DLGAP2: variants seen among roughly 807,000 people sequenced by gnomAD.
The protein encoded by DLGAP2 is disks large-associated protein 2.
Under a neutral mutation model 100.3 loss-of-function variants are expected in DLGAP2, and 26 were observed. The ratio of observed to expected loss-of-function variants is 0.26; its 90% CI spans 0.19 to 0.36. The LOEUF (loss-of-function observed/expected upper bound fraction) is 0.36, where lower values mean the gene tolerates loss of function less well. Ranked by LOEUF, DLGAP2 falls within the 10% of genes least tolerant of loss-of-function variation. The pLI is 1.00. For missense variants in DLGAP2, 1,858 were observed against 1,453.2 expected, an observed-to-expected ratio of 1.28 and a Z score of -4.53; for synonymous variants, 886 against 630.1, an observed-to-expected ratio of 1.41 and a Z score of -6.08.
intron 2 of DLGAP2, among the ~76,000 whole-genome samples, chr8:980,191 C>G (rs1046101519): frequency 1.3e-5 from 2 of 152,120 alleles, no homozygotes; most frequent in African/African-American, 4.8e-5. Context: ...TCAGGCCAGA[C>G]TTTGTGATTT....
At chr8:1,546,217 A>G (rs922172134) in intron 4 of DLGAP2, among the ~76,000 whole-genome samples, 4 of 152,252 alleles carry the variant, frequency 2.6e-5, no homozygotes, top group Non-Finnish European at 5.9e-5. Flanking sequence ...CACCTGAAAT[A>G]TAACACAGTG....
chr8:986,470 C>G (rs1800490591), intron 2 of DLGAP2, among the ~76,000 whole-genome samples: 1 of 151,940 alleles, frequency 6.6e-6, no homozygotes, highest in Non-Finnish European at 1.5e-5. Context: ...TAATTATTAT[C>G]TAGTGTTAAG....
chr8:1,069,558 C>G (rs62488539), intron 2 of DLGAP2, among the ~76,000 whole-genome samples: 1 of 152,144 alleles, frequency 6.6e-6, no homozygotes, highest in Non-Finnish European at 1.5e-5. Flanking sequence ...ATCCGAGAGT[C>G]CGAGCTTTAC....
intron 2 of DLGAP2, among the ~76,000 whole-genome samples, chr8:1,227,183 A>ATATATATATATATATATC (rs1563265070): frequency 3.0e-5 from 4 of 132,542 alleles, no homozygotes; most frequent in African/African-American, 1.3e-4. Flanking sequence ...TAGTATAGAT[A>ATATATATATATATATATC]TATATTATCC....
chr8:803,508 G>A (rs1487207115), intron 1 of DLGAP2, among the ~76,000 whole-genome samples: 1 of 152,114 alleles, frequency 6.6e-6, no homozygotes, highest in East Asian at 1.9e-4. Flanking sequence ...GCCCAGGAAA[G>A]CTTGGAGATG....
intron 2 of DLGAP2, among the ~76,000 whole-genome samples, chr8:1,040,279 CA>C (rs1802296452): frequency 6.8e-6 from 1 of 147,546 alleles, no homozygotes; most frequent in Non-Finnish European, 1.5e-5. Context: ...TGTGCGTGGT[CA>C]GCTCGGGTTC....
chr8:1,362,226 G>A (rs1801997944), intron 3 of DLGAP2, among the ~76,000 whole-genome samples: 1 of 152,094 alleles, frequency 6.6e-6, no homozygotes, highest in African/African-American at 2.4e-5. Flanking sequence ...GGAACTGTGG[G>A]TGGGACCTGG....
At chr8:1,059,018 T>G (rs1489400975) in intron 2 of DLGAP2, among the ~76,000 whole-genome samples, 1 of 152,206 alleles carries the variant, frequency 6.6e-6, no homozygotes, top group Non-Finnish European at 1.5e-5. Context: ...TAGCAGCGTC[T>G]GCTTCTGAGA....
intron 3 of DLGAP2, among the ~76,000 whole-genome samples, chr8:1,356,687 A>G (rs547139098): frequency 1.3e-5 from 2 of 152,350 alleles, no homozygotes; most frequent in African/African-American, 4.8e-5. Flanking sequence ...AGTATGAGCA[A>G]ACGATCATTC....
chr8:1,213,905 T>A (rs1798159103), intron 2 of DLGAP2, among the ~76,000 whole-genome samples: 1 of 152,132 alleles, frequency 6.6e-6, no homozygotes, highest in Non-Finnish European at 1.5e-5. Context: ...CCTCACTCCT[T>A]TTGCTGGCCC....
chr8:1,047,778 C>T (rs1206722200), intron 2 of DLGAP2, among the ~76,000 whole-genome samples: 2 of 152,120 alleles, frequency 1.3e-5, no homozygotes, highest in Non-Finnish European at 2.9e-5. Flanking sequence ...AATCACCTTC[C>T]AAAGGCCCCA....
rs150960313 is a variant in DLGAP2, at chr8:1,166,311, A to C, written c.74-92540A>C. 3.1e-3 allele frequency among the ~76,000 whole-genome samples: 472 copies of C among 152,300 alleles called. 1 individual carries two copies. Among genetic ancestry groups the C allele is most frequent in the African/African-American group, 0.011 (453 of 41,564 alleles). On this transcript the variant is annotated intron_variant, in intron 2 of 14. Coordinates refer to ENST00000637795, the MANE Select transcript of DLGAP2 (RefSeq NM_001346810.2). ...ACCACCCCGTGCTTCCTTATTCCCGAGGCCCCGGCCTATAATTATCCTCTT... is the reference window on the plus strand; with the variant it reads ...ACCACCCCGTGCTTCCTTATTCCCGCGGCCCCGGCCTATAATTATCCTCTT...
At chr8:1,234,932 G>A (rs1372233372) in intron 2 of DLGAP2, among the ~76,000 whole-genome samples, 2 of 152,168 alleles carry the variant, frequency 1.3e-5, no homozygotes, top group African/African-American at 4.8e-5. Context: ...CGCACACAAA[G>A]CATTGTGTCT....
At chr8:1,687,718 A>C (rs1215044415) in intron 12 of DLGAP2, among the ~76,000 whole-genome samples, 1 of 152,256 alleles carries the variant, frequency 6.6e-6, no homozygotes, top group African/African-American at 2.4e-5. Flanking sequence ...TTGTATTAAC[A>C]GTTCAGTTGA....
rs138749931 is a variant in DLGAP2 at position 747,602 on chromosome 8, G to A, written c.18+9777G>A. Among the ~76,000 whole-genome samples the A allele has an allele frequency of 4.7e-3, 653 of 138,948 alleles. 10 individuals carry two copies. The highest frequency in any genetic ancestry group is 0.033 in the Middle Eastern group (9 of 274). 91.2% of individuals were successfully genotyped at this position (138,948 alleles called of 152,430 possible). ...AGTATGAGGGGCTCCATGACGGGAC[G>A]GGCAGGCTGTGTGGCAGGATTGGGT... is the stretch of plus-strand genomic sequence containing the variant. On this transcript the variant is annotated intron_variant, in intron 1 of 14. Coordinates refer to ENST00000637795, the MANE Select transcript of DLGAP2 (RefSeq NM_001346810.2).
At chr8:869,104 C>T (rs1797551469) in intron 1 of DLGAP2, among the ~76,000 whole-genome samples, 2 of 152,174 alleles carry the variant, frequency 1.3e-5, no homozygotes, top group South Asian at 4.1e-4. Context: ...CCTTCCTCTC[C>T]TCCTCGAGAC....
chr8:828,301 G>A (rs886823869), intron 1 of DLGAP2, among the ~76,000 whole-genome samples: 1 of 152,124 alleles, frequency 6.6e-6, no homozygotes, highest in Non-Finnish European at 1.5e-5. Flanking sequence ...CTGCAATCTC[G>A]ACCATAAGAG....
intron 6 of DLGAP2, among the ~76,000 whole-genome samples, chr8:1,572,457 G>A (rs1410411472): frequency 6.9e-6 from 1 of 144,938 alleles, no homozygotes; most frequent in Non-Finnish European, 1.5e-5. Context: ...TGAACTGTGG[G>A]GCGTCTGATG....
intron 1 of DLGAP2, among the ~76,000 whole-genome samples, chr8:783,263 G>T (rs1481712449): frequency 6.6e-6 from 1 of 152,194 alleles, no homozygotes; most frequent in Middle Eastern, 3.2e-3. Context: ...ACAGAGAATG[G>T]TTTGCCTGCA....
Sources: gnomAD v4.1 joint callset for allele counts (sites outside exome capture counted in the v4.1 genomes callset) on GRCh38, gnomAD v4.1.1 for gene constraint, MANE v1.5 for transcripts, NCBI Gene and HGNC (gene_info 2026-07-23, HGNC 2026-07-21) for gene names.